Variants in SUCO observed in about 807,000 individuals in gnomAD.
The protein encoded by SUCO is SUN domain-containing ossification factor.
Under a neutral mutation model 148.1 loss-of-function variants are expected in SUCO, and 57 were observed. That is an observed-to-expected ratio of 0.38 (90% CI 0.31 to 0.48). The LOEUF is 0.48. Ranked by LOEUF, SUCO falls within the 20% of genes least tolerant of loss-of-function variation. The pLI is 0.96. For missense variants in SUCO, 1,331 were observed against 1,468.2 expected (o/e 0.91, Z 1.53); for synonymous variants, 470 against 502.7 (o/e 0.93, Z 0.87).
At chr1:172,537,171 A>G (rs1652086412) in intron 1 of SUCO, among the ~76,000 whole-genome samples, 1 of 152,194 alleles carries the variant, frequency 6.6e-6, no homozygotes, top group South Asian at 2.1e-4. Flanking sequence ...CTTAATTAGT[A>G]AAACCTTGTG....
chr1:172,588,804 C>A lies in SUCO; in HGVS notation c.1703C>A (p.Thr568Lys). The change falls in exon 18 of 24, where the codon ACA (threonine) becomes AAA (lysine). Residue 568 changes from threonine (T) to lysine (K), a missense_variant. Thr to Lys is a moderately conservative substitution (Grantham distance 78). Transcript: ENST00000263688. ...CACACACATGACATGGAGCCGTCAA[C>A]ACCAGATACTCCAAAAGAGAGTCCC... ...EVHTHDMEPS[T>K]PDTPKESPIV... 6.3e-7 allele frequency: 1 copy of A among 1,588,608 alleles called. No homozygotes were observed.
chr1:172,582,801 C>G (rs909057581), intron 15 of SUCO, among the ~76,000 whole-genome samples: 1 of 152,008 alleles, frequency 6.6e-6, no homozygotes, highest in Non-Finnish European at 1.5e-5. Context: ...AAGAAATTTG[C>G]TAAATTTTGC....
At chr1:172,560,661 T>C (rs930337064) in intron 6 of SUCO, among the ~76,000 whole-genome samples, 1 of 152,208 alleles carries the variant, frequency 6.6e-6, no homozygotes, top group Non-Finnish European at 1.5e-5. Context: ...GGTGTTACTA[T>C]GACTGTGATC....
Position 172,595,600 on chromosome 1 carries a change from T to C in SUCO, c.2914-4464T>C, listed in dbSNP as rs191675211. Among the ~76,000 whole-genome samples, 597 of 152,342 alleles carry C rather than the reference T, an allele frequency of 3.9e-3. 3 individuals carry two copies. The highest frequency in any genetic ancestry group is 0.013 in the African/African-American group (551 of 41,572). On this transcript the variant is annotated intron_variant, in intron 19 of 23. Transcript: ENST00000263688. ...TCCTTTCTTTAAGAATGTTGAATAT[T>C]GGCCCCCACTCTCTTCTGACTTGTA...
chr1:172,562,491 C>G (rs1018831763), intron 6 of SUCO, among the ~76,000 whole-genome samples: 1 of 152,062 alleles, frequency 6.6e-6, no homozygotes, highest in Non-Finnish European at 1.5e-5. Context: ...ACCACCATGC[C>G]CATCTAATTT....
At chr1:172,564,431 C>T (rs970147927) in intron 6 of SUCO, among the ~76,000 whole-genome samples, 6 of 152,178 alleles carry the variant, frequency 3.9e-5, no homozygotes, top group East Asian at 1.9e-4. Flanking sequence ...TGAGTTCTTG[C>T]GTGATCTGGT....
rs148223863 is a variant in SUCO, at chr1:172,594,699, G to A, written c.2913+3628G>A. On this transcript the variant is annotated intron_variant, in intron 19 of 23. Coordinates refer to ENST00000263688, the MANE Select transcript of SUCO (RefSeq NM_014283.5). Reference sequence around the variant, plus strand: ...TTTGCTGAGGAGTGCTTTACCTCCAGCTATGTGGTCAATTTTGGAATAATT... The same window carrying A: ...TTTGCTGAGGAGTGCTTTACCTCCAACTATGTGGTCAATTTTGGAATAATT... Among the ~76,000 whole-genome samples, 22 of 152,056 alleles carry A rather than the reference G, an allele frequency of 1.4e-4. 1 individual carries two copies. Among genetic ancestry groups the A allele is most frequent in the Non-Finnish European group, 1.2e-4 (8 of 67,976 alleles).
At chr1:172,591,244 C>G (rs1382876105) in intron 19 of SUCO, among the ~76,000 whole-genome samples, 173 bp downstream of exon 19, 1 of 151,932 alleles carries the variant, frequency 6.6e-6, no homozygotes, top group African/African-American at 2.4e-5. Flanking sequence ...CTATTAGCAT[C>G]ATTATCTTCT....
chr1:172,609,184 TC>T, intron 23 of SUCO: 1 of 893,732 alleles, frequency 1.1e-6, no homozygotes, highest in Non-Finnish European at 1.3e-6. Context: ...GTTCCTCTAA[TC>T]CTCACCACAA....
At chr1:172,536,162 A>C (rs932254049) in intron 1 of SUCO, among the ~76,000 whole-genome samples, 2 of 152,150 alleles carry the variant, frequency 1.3e-5, no homozygotes, top group Non-Finnish European at 2.9e-5. Flanking sequence ...TGCATTTTAC[A>C]TGTGAGGAAG....
At chr1:172,562,694 T>A (rs1654266024) in intron 6 of SUCO, among the ~76,000 whole-genome samples, 1 of 152,216 alleles carries the variant, frequency 6.6e-6, no homozygotes, top group African/African-American at 2.4e-5. Flanking sequence ...CCAAGTTTAA[T>A]CATACACAAA....
At chr1:172,558,588 GACTA>G (rs1653915523) in intron 6 of SUCO, among the ~76,000 whole-genome samples, 1 of 151,964 alleles carries the variant, frequency 6.6e-6, no homozygotes. Context: ...CTTCACTTAC[GACTA>G]ACTAAACTTC....
At chr1:172,561,991 G>C (rs1273296251) in intron 6 of SUCO, among the ~76,000 whole-genome samples, 2 of 152,124 alleles carry the variant, frequency 1.3e-5, no homozygotes, top group Non-Finnish European at 2.9e-5. Context: ...ATGGATTTGG[G>C]CAGGCACCTA....
chr1:172,580,154 C>G (rs3754424), intron 15 of SUCO, among the ~76,000 whole-genome samples: 28,284 of 152,044 alleles, frequency 0.19, 3,122 homozygotes, highest in South Asian at 0.27. Context: ...CTCCTTCTAG[C>G]CTTTTCTTTC....
At chr1:172,543,630 G>A (rs1278633666) in intron 1 of SUCO, among the ~76,000 whole-genome samples, 6 of 152,098 alleles carry the variant, frequency 3.9e-5, no homozygotes, top group Non-Finnish European at 7.4e-5. Flanking sequence ...GGAATATTAA[G>A]CTAAGAAAAT....
At chr1:172,602,896 C>A in intron 22 of SUCO, 109 bp downstream of exon 22, 1 of 902,000 alleles carries the variant, frequency 1.1e-6, no homozygotes, top group Non-Finnish European at 1.7e-6. Context: ...AAAATGGATA[C>A]AAGTAGCCTT....
chr1:172,550,390 A>G (rs1266203583), intron 1 of SUCO, among the ~76,000 whole-genome samples: 3 of 152,008 alleles, frequency 2.0e-5, no homozygotes, highest in Admixed American at 6.6e-5. Context: ...TATTGTTTCT[A>G]TCATAAATGA....
chr1:172,588,702 T>A, intron 17 of SUCO, 58 bp from the exon 18 acceptor site: 8 of 1,305,276 alleles, frequency 6.1e-6, no homozygotes, highest in Non-Finnish European at 7.9e-6. Flanking sequence ...TTCTTTAACA[T>A]ATTTCAACTT....
chr1:172,551,321 A>G (rs1653277778), intron 1 of SUCO, among the ~76,000 whole-genome samples, 191 bp from the exon 2 acceptor site: 1 of 152,090 alleles, frequency 6.6e-6, no homozygotes, highest in Non-Finnish European at 1.5e-5. Flanking sequence ...GAATGCTGAT[A>G]ATAATGTTTA....
Sources: allele counts gnomAD v4.1 joint callset (sites outside exome capture counted in the v4.1 genomes callset), GRCh38; gene constraint gnomAD v4.1.1; transcripts MANE v1.5; gene names NCBI Gene and HGNC (gene_info 2026-07-23, HGNC 2026-07-21).